RELN: variants seen among roughly 807,000 people sequenced by gnomAD.
The protein encoded by RELN is reelin.
RELN carries 108 observed loss-of-function variants against 427.6 expected under a neutral mutation model. That is an observed-to-expected ratio of 0.25 (90% CI 0.22 to 0.30). The LOEUF (loss-of-function observed/expected upper bound fraction) is 0.30. RELN is among the 10% of genes least tolerant of loss of function. The probability of loss-of-function intolerance (pLI) is 1.00; values close to 1 mark genes in which losing one functional copy is unlikely to be tolerated. For missense variants in RELN, 3,715 were observed against 4,302.8 expected, an observed-to-expected ratio of 0.86 and a Z score of 3.82; for synonymous variants, 1,524 against 1,513.4, an observed-to-expected ratio of 1.01 and a Z score of -0.16.
intron 1 of RELN, among the ~76,000 whole-genome samples, chr7:103,960,432 G>C (rs576536203): frequency 2.6e-5 from 4 of 152,180 alleles, no homozygotes; most frequent in Admixed American, 2.6e-4. Context: ...CCCTATCTCT[G>C]ACATTCCCTA....
chr7:103,776,408 ATAAC>A (rs1482486634), intron 4 of RELN, 145 bp downstream of exon 4: 4 of 751,490 alleles, frequency 5.3e-6, no homozygotes, highest in Middle Eastern at 2.9e-4. Context: ...TAATTACTAA[ATAAC>A]TATTAGTGAT....
chr7:103,837,148 C>T (rs1793429964), intron 2 of RELN, among the ~76,000 whole-genome samples: 1 of 152,146 alleles, frequency 6.6e-6, no homozygotes, highest in African/African-American at 2.4e-5. Flanking sequence ...GTCCTAGGTT[C>T]CCATCATTCT....
chr7:103,545,931 C>T (rs985480610), intron 41 of RELN, among the ~76,000 whole-genome samples: 4 of 152,174 alleles, frequency 2.6e-5, no homozygotes, highest in East Asian at 1.9e-4. Context: ...CCACCGCACC[C>T]GGCCCCTTCT....
Position 103,522,061 on chromosome 7 carries a change from A to G in RELN, c.7629T>C (p.Cys2543=). 1 of 1,614,160 alleles carries G rather than the reference A, an allele frequency of 6.2e-7. No homozygotes were observed. The highest frequency in any genetic ancestry group is 8.5e-7 in the Non-Finnish European group (1 of 1,180,028). The change falls in exon 48 of 65, where the codon TGT becomes TGC. Residue 2543 remains cysteine, a synonymous_variant. Transcript: ENST00000428762. ...GAGCCATTCCCGACGCCACGGCTCC[A>G]CACACTGTACTCAATTTCCCTCCGT... The part of the protein sequence containing the change: ...TVNGGKLSTV[C]GAVASGMALH...
At chr7:103,634,212 C>T (rs1363344746) in intron 19 of RELN, among the ~76,000 whole-genome samples, 2 of 152,066 alleles carry the variant, frequency 1.3e-5, no homozygotes, top group Non-Finnish European at 2.9e-5. Context: ...TGCAAACTTT[C>T]GTGTCCAAAT....
At chr7:103,732,206 T>G (rs2115957385) in intron 6 of RELN, among the ~76,000 whole-genome samples, 1 of 152,174 alleles carries the variant, frequency 6.6e-6, no homozygotes, top group South Asian at 2.1e-4. Context: ...TTTAGGGTCC[T>G]CGGGATAAGG....
intron 3 of RELN, among the ~76,000 whole-genome samples, chr7:103,826,319 AATGTGTGTGTGTGTGTGT>A (rs1369038900): frequency 7.3e-6 from 1 of 137,494 alleles, no homozygotes; most frequent in Non-Finnish European, 1.6e-5. Context: ...AGACTAAGAC[AATGTGTGTGTGTGTGTGT>A]GTGTGTGTGT....
chr7:103,940,390 T>C (rs1180688596), intron 1 of RELN, among the ~76,000 whole-genome samples: 1 of 152,250 alleles, frequency 6.6e-6, no homozygotes. Flanking sequence ...AACAGTTATG[T>C]GTTCAAACTA....
At chr7:103,571,555 A>G (rs1045090652) in intron 31 of RELN, among the ~76,000 whole-genome samples, 4 of 152,196 alleles carry the variant, frequency 2.6e-5, no homozygotes, top group Non-Finnish European at 5.9e-5. Context: ...TATTTAGTGC[A>G]TGATCATGGG....
At chr7:103,481,302 T>C (rs935861307) in intron 63 of RELN, among the ~76,000 whole-genome samples, 2 of 152,184 alleles carry the variant, frequency 1.3e-5, no homozygotes, top group African/African-American at 4.8e-5. Context: ...TTAAGAATTA[T>C]TGTGTTTACT....
intron 9 of RELN, among the ~76,000 whole-genome samples, chr7:103,700,410 G>A (rs769086798): frequency 1.3e-5 from 2 of 152,004 alleles, no homozygotes; most frequent in Non-Finnish European, 2.9e-5. Context: ...ATTACAAGTC[G>A]CATCACAATT....
chr7:103,611,780 G>T lies in RELN; in HGVS notation c.2726C>A (p.Ala909Asp), dbSNP rs759339124. The change falls in exon 21 of 65, where the codon GCC (alanine) becomes GAC (aspartate). Residue 909 changes from alanine (A) to aspartate (D), a missense_variant. By Grantham distance (126) the Ala-to-Asp change is moderately radical. Transcript: ENST00000428762. ...TGTTTCCACATAGCGCATACTTGAGGCAAGTTTAGAATCTCCTGTAAAACT... is the reference window on the plus strand; with the variant it reads ...TGTTTCCACATAGCGCATACTTGAGTCAAGTTTAGAATCTCCTGTAAAACT... ...TLCFTGDSKL[A>D]SSMRYVETQS... 1 of 1,613,632 alleles carries T rather than the reference G, an allele frequency of 6.2e-7. No homozygotes were observed. The highest frequency in any genetic ancestry group is 8.5e-7 in the Non-Finnish European group (1 of 1,179,740).
intron 6 of RELN, among the ~76,000 whole-genome samples, chr7:103,733,101 C>A (rs545151308): frequency 9.9e-4 from 151 of 152,074 alleles, no homozygotes; most frequent in African/African-American, 3.5e-3. Flanking sequence ...AAGAAAAAAA[C>A]AAACAACCCC....
At chr7:103,694,829 T>C (rs1227226265) in intron 10 of RELN, among the ~76,000 whole-genome samples, 3 of 139,750 alleles carry the variant, frequency 2.1e-5, no homozygotes, top group Non-Finnish European at 4.5e-5. Context: ...CTGGCTAGTT[T>C]TTTTTTTTTA....
At chr7:103,820,782 C>G (rs39340) in intron 3 of RELN, among the ~76,000 whole-genome samples, 31,052 of 151,850 alleles carry the variant, frequency 0.2, 3,573 homozygotes, top group Middle Eastern at 0.31. Context: ...GATGTGTTAT[C>G]CAGAACTGGG....
At chr7:103,984,418 G>T (rs1419234963) in intron 1 of RELN, among the ~76,000 whole-genome samples, 1 of 152,058 alleles carries the variant, frequency 6.6e-6, no homozygotes, top group Non-Finnish European at 1.5e-5. Flanking sequence ...ACACAAATTG[G>T]AAGGAAATAT....
At chr7:103,694,746 A>T (rs972835269) in intron 10 of RELN, among the ~76,000 whole-genome samples, 10 of 151,868 alleles carry the variant, frequency 6.6e-5, no homozygotes, top group African/African-American at 2.2e-4. Context: ...CTGCACCTTG[A>T]AGTCCTGGGC....
chr7:103,652,535 A>G lies in RELN; in HGVS notation c.1763+16T>C. 2 of 1,608,126 alleles carry G rather than the reference A, an allele frequency of 1.2e-6. No individual in the cohort carries two copies. Among genetic ancestry groups the G allele is most frequent in the Non-Finnish European group, 1.7e-6 (2 of 1,175,236 alleles). ...TCATTTTTAGTTTTGCACACTTACAAAATAGGGCTTCCTACCTGTTACCAG... is the reference window on the plus strand; with the variant it reads ...TCATTTTTAGTTTTGCACACTTACAGAATAGGGCTTCCTACCTGTTACCAG... On this transcript the variant is annotated intron_variant, in intron 14 of 64. Transcript: ENST00000428762.
At chr7:103,622,007 C>T (rs1406227994) in intron 20 of RELN, among the ~76,000 whole-genome samples, 7 of 152,088 alleles carry the variant, frequency 4.6e-5, no homozygotes, top group Non-Finnish European at 1.0e-4. Context: ...CAGTGTGAGA[C>T]TCTGTCTCAA....
Sources: gnomAD v4.1 joint callset for allele counts (sites outside exome capture counted in the v4.1 genomes callset) on GRCh38, gnomAD v4.1.1 for gene constraint, MANE v1.5 for transcripts, NCBI Gene and HGNC (gene_info 2026-07-23, HGNC 2026-07-21) for gene names.